FOXO1: variants seen among roughly 807,000 people sequenced by gnomAD.
FOXO1 encodes forkhead box protein O1.
FOXO1 carries 6 observed loss-of-function variants against 44.1 expected under a neutral mutation model. The ratio of observed to expected loss-of-function variants is 0.14; its 90% CI spans 0.07 to 0.27. The LOEUF is 0.27. Ranked by LOEUF, FOXO1 falls within the 10% of genes least tolerant of loss-of-function variation. The pLI, the probability that FOXO1 is intolerant of heterozygous loss-of-function variation, is 1.00. For missense variants in FOXO1, 737 were observed against 888.8 expected, an observed-to-expected ratio of 0.83 and a Z score of 2.17; for synonymous variants, 380 against 362.7, an observed-to-expected ratio of 1.05 and a Z score of -0.54.
At position 40,557,837 on chromosome 13, in the gene FOXO1, A is replaced by T. The variant is rs1873815945; in HGVS notation, c.*1212T>A. On this transcript the variant is annotated 3_prime_UTR_variant, in exon 3 of 3. Transcript: ENST00000379561. ...GATCTCCCTTTTCTGATCTACAAAC[A>T]TTATGAGGCCTCCCAGGACTACAGA... 6.6e-6 allele frequency: 1 copy of T among 152,270 alleles called. No homozygotes were observed. The highest frequency in any genetic ancestry group is 2.4e-5 in the African/African-American group (1 of 41,482). The allele number at this position is 152,270 out of a possible 1,614,324, so 9.4% of individuals were successfully genotyped here.
At chr13:40,607,073 C>T (rs529715869) in intron 1 of FOXO1, among the ~76,000 whole-genome samples, 1 of 152,292 alleles carries the variant, frequency 6.6e-6, no homozygotes, top group Admixed American at 6.5e-5. Context: ...CGCACATCTG[C>T]CCAACTTCTC....
intron 1 of FOXO1, among the ~76,000 whole-genome samples, chr13:40,579,485 C>A (rs1339466315): frequency 6.6e-6 from 1 of 152,172 alleles, no homozygotes. Context: ...TGGGCCAAAT[C>A]TTTTCCATCT....
At chr13:40,629,715 G>A (rs1396328718) in intron 1 of FOXO1, among the ~76,000 whole-genome samples, 1 of 152,164 alleles carries the variant, frequency 6.6e-6, no homozygotes, top group Non-Finnish European at 1.5e-5. Context: ...TTCAGATTAG[G>A]AATATTCAAC....
intron 1 of FOXO1, among the ~76,000 whole-genome samples, chr13:40,596,043 G>T (rs1401962170): frequency 6.7e-6 from 1 of 149,652 alleles, no homozygotes; most frequent in East Asian, 2.0e-4. Flanking sequence ...AACAGAATTT[G>T]CTCTGAGTTG....
intron 1 of FOXO1, chr13:40,620,266 C>T: frequency 1.5e-6 from 2 of 1,337,150 alleles, no homozygotes; most frequent in Non-Finnish European, 2.1e-6. Context: ...AAATAGAGAT[C>T]AGGACAGTAT....
intron 1 of FOXO1, among the ~76,000 whole-genome samples, chr13:40,658,731 C>A (rs904910221): frequency 6.6e-6 from 1 of 152,162 alleles, no homozygotes; most frequent in Non-Finnish European, 1.5e-5. Flanking sequence ...AAGACGTGGC[C>A]GGGCGCAGTG....
intron 1 of FOXO1, among the ~76,000 whole-genome samples, chr13:40,581,041 G>GAGATA (rs1874937214): frequency 6.6e-6 from 1 of 152,218 alleles, no homozygotes; most frequent in East Asian, 1.9e-4. Context: ...AGACGGAGTT[G>GAGATA]AGATAAGTAA....
chr13:40,567,542 T>C (rs1386688042), intron 1 of FOXO1, among the ~76,000 whole-genome samples: 2 of 152,132 alleles, frequency 1.3e-5, no homozygotes, highest in African/African-American at 2.4e-5. Flanking sequence ...AACTATCCCC[T>C]TGCCTTCACC....
At chr13:40,612,245 C>T (rs79123773) in intron 1 of FOXO1, among the ~76,000 whole-genome samples, 2,493 of 152,230 alleles carry the variant, frequency 0.016, 41 homozygotes, top group Middle Eastern at 0.048. Flanking sequence ...AGCTGTCATG[C>T]CATAGAGACC....
At chr13:40,617,776 A>G (rs1451387483) in intron 1 of FOXO1, among the ~76,000 whole-genome samples, 1 of 152,254 alleles carries the variant, frequency 6.6e-6, no homozygotes, top group Non-Finnish European at 1.5e-5. Context: ...AACTAACATG[A>G]TATTTCCTTT....
chr13:40,646,049 A>G (rs1877497364), intron 1 of FOXO1, among the ~76,000 whole-genome samples: 1 of 151,406 alleles, frequency 6.6e-6, no homozygotes, highest in African/African-American at 2.4e-5. Flanking sequence ...CCTGGGCAAC[A>G]AGAGGGAAAC....
At position 40,560,984 on chromosome 13, in the gene FOXO1, G is replaced by T; in HGVS notation, c.631-124C>A. On this transcript the variant is annotated intron_variant, in intron 1 of 2. Transcript: ENST00000379561. The surrounding 1 kb of genome is among the most constrained non-coding windows in gnomAD (Gnocchi z 5.1). Reference sequence around the variant, plus strand: ...GAGTGTGTGCTACAGATTTCCATCTGAACAGTCCTAATGGCTCTGAAGCCA... The same window carrying T: ...GAGTGTGTGCTACAGATTTCCATCTTAACAGTCCTAATGGCTCTGAAGCCA... 1.1e-6 allele frequency: 1 copy of T among 908,458 alleles called. No homozygotes were observed. Among genetic ancestry groups the T allele is most frequent in the Non-Finnish European group, 1.6e-6 (1 of 613,460 alleles). The allele number at this position is 908,458 out of a possible 1,614,324, so 56.3% of individuals were successfully genotyped here.
intron 1 of FOXO1, among the ~76,000 whole-genome samples, chr13:40,583,862 T>G (rs1875046527): frequency 6.6e-6 from 1 of 152,248 alleles, no homozygotes; most frequent in Non-Finnish European, 1.5e-5. Flanking sequence ...ATTCACAACT[T>G]GGCTGACTGG....
At chr13:40,658,984 C>G (rs1877947541) in intron 1 of FOXO1, among the ~76,000 whole-genome samples, 1 of 151,722 alleles carries the variant, frequency 6.6e-6, no homozygotes, top group South Asian at 2.1e-4. Context: ...TGCACTCCAG[C>G]CTGGATGACT....
intron 1 of FOXO1, chr13:40,619,542 T>C: frequency 2.9e-6 from 4 of 1,382,194 alleles, no homozygotes; most frequent in African/African-American, 1.4e-5. Context: ...CTGAAATTCA[T>C]GGAGATTATA....
chr13:40,598,828 T>C (rs1216314877), intron 1 of FOXO1, among the ~76,000 whole-genome samples: 1 of 152,234 alleles, frequency 6.6e-6, no homozygotes, highest in Non-Finnish European at 1.5e-5. Flanking sequence ...AGGTGATTAA[T>C]ATATACACTG....
intron 1 of FOXO1, among the ~76,000 whole-genome samples, chr13:40,629,514 C>G (rs1203245844): frequency 6.6e-6 from 1 of 152,200 alleles, no homozygotes; most frequent in African/African-American, 2.4e-5. Flanking sequence ...CTGACTATCC[C>G]TTATCCAAAA....
intron 1 of FOXO1, among the ~76,000 whole-genome samples, chr13:40,575,122 AG>A (rs1354257927): frequency 1.3e-5 from 2 of 152,042 alleles, no homozygotes; most frequent in African/African-American, 4.8e-5. Context: ...GCTTGAGCAC[AG>A]GAGTTTAAGA....
At chr13:40,620,668 G>C (rs1365473634) in intron 1 of FOXO1, among the ~76,000 whole-genome samples, 1 of 152,074 alleles carries the variant, frequency 6.6e-6, no homozygotes, top group African/African-American at 2.4e-5. Flanking sequence ...GGCCCAAGGA[G>C]ACAGCACTGA....
Sources: gnomAD v4.1 joint callset for allele counts (sites outside exome capture counted in the v4.1 genomes callset) on GRCh38, gnomAD v4.1.1 for gene constraint, Gnocchi (gnomAD v3.1) non-coding constraint, MANE v1.5 for transcripts, NCBI Gene and HGNC (gene_info 2026-07-23, HGNC 2026-07-21) for gene names.